The following DERA variants were observed in gnomAD, a reference collection of about 807,000 sequenced individuals.
DERA encodes the protein 2-deoxy-D-ribose 5-phosphate aldolase.
In DERA, 15 loss-of-function variants were observed where a neutral mutation model predicts 41.1. The ratio of observed to expected loss-of-function variants is 0.37; its 90% CI spans 0.24 to 0.56. DERA has a LOEUF of 0.56. DERA is among the 20% of genes least tolerant of loss of function. The probability of loss-of-function intolerance (pLI) is 0.81; values close to 1 mark genes in which losing one functional copy is unlikely to be tolerated. For synonymous variants in DERA, 139 were observed against 137.4 expected, an observed-to-expected ratio of 1.01 and a Z score of -0.08; for missense variants, 396 against 403.4, an observed-to-expected ratio of 0.98 and a Z score of 0.16.
chr12:15,965,609 A>G lies in DERA; in HGVS notation c.508+2662A>G, dbSNP rs932218167. ...CACAGTTTAGGGTATGAATTCGAGG[A>G]GACTGGAGTTTGGGGGTGGGGGAGG... On this transcript the variant is annotated intron_variant, in intron 5 of 8. Coordinates refer to ENST00000428559, the MANE Select transcript of DERA (RefSeq NM_015954.4). The surrounding 1 kb of genome is among the most constrained non-coding windows in gnomAD (Gnocchi z 4.1). Among the ~76,000 whole-genome samples, 99 of 152,158 alleles carry G rather than the reference A, an allele frequency of 6.5e-4. No individual in the cohort carries two copies. Among genetic ancestry groups the G allele is most frequent in the African/African-American group, 2.3e-3 (96 of 41,502 alleles).
At position 16,003,614 on chromosome 12, in the gene DERA, C is replaced by T. The variant is rs1426976880; in HGVS notation, c.637+21178C>T. Among the ~76,000 whole-genome samples, 1 of 152,046 alleles carries T rather than the reference C, an allele frequency of 6.6e-6. No individual in the cohort carries two copies. Among genetic ancestry groups the T allele is most frequent in the African/African-American group, 2.4e-5 (1 of 41,384 alleles). On this transcript the variant is annotated intron_variant, in intron 6 of 8. Transcript: ENST00000428559. This position sits in a 1 kb window ranked among gnomAD's most constrained non-coding sequence, Gnocchi z 4.8. ...GCCAACTAAAAACAACTGCTGGGGG[C>T]AGTGGAGAGGGAAGTAGACTGCAGG...
chr12:16,000,010 A>G lies in DERA; in HGVS notation c.637+17574A>G, dbSNP rs956159920. Among the ~76,000 whole-genome samples the G allele has an allele frequency of 6.6e-5, 10 of 152,288 alleles. No homozygotes were observed. The South Asian group carries it at 1.5e-3, about 22-fold the overall frequency. ...TCACGAGCTCCTGAACTGAGATGCA[A>G]TGCAGGCAATGCAGTGGGTATGGAG... On this transcript the variant is annotated intron_variant, in intron 6 of 8. Coordinates refer to ENST00000428559, the MANE Select transcript of DERA (RefSeq NM_015954.4). The surrounding 1 kb of genome is among the most constrained non-coding windows in gnomAD (Gnocchi z 4.8).
chr12:15,975,530 C>G (rs1948691339), intron 5 of DERA, among the ~76,000 whole-genome samples: 1 of 152,188 alleles, frequency 6.6e-6, no homozygotes, highest in African/African-American at 2.4e-5. Flanking sequence ...TCTACAAAGG[C>G]AGTCTAGTCC....
intron 6 of DERA, among the ~76,000 whole-genome samples, chr12:16,002,973 ACTCCTTATG>A (rs1174627674): frequency 6.6e-6 from 1 of 151,950 alleles, no homozygotes; most frequent in Non-Finnish European, 1.5e-5. Flanking sequence ...TTTGAGACCC[ACTCCTTATG>A]CTCCTAACCC....
In DERA at chr12:15,983,209, T is replaced by G. The variant is rs1190226312; in HGVS notation, c.637+773T>G. Reference sequence around the variant, plus strand: ...CCACAATTTTTTTTTAATGCTAATTTTATTATGGTACTGCTTGCTTAAAAT... The same window carrying G: ...CCACAATTTTTTTTTAATGCTAATTGTATTATGGTACTGCTTGCTTAAAAT... On this transcript the variant is annotated intron_variant, in intron 6 of 8. Coordinates refer to ENST00000428559, the MANE Select transcript of DERA (RefSeq NM_015954.4). The surrounding 1 kb of genome is among the most constrained non-coding windows in gnomAD (Gnocchi z 6.2). 6.6e-6 allele frequency among the ~76,000 whole-genome samples: 1 copy of G among 152,178 alleles called. No individual in the cohort carries two copies. Among genetic ancestry groups the G allele is most frequent in the African/African-American group, 2.4e-5 (1 of 41,448 alleles).
chr12:15,951,823 G>C lies in DERA; in HGVS notation c.32-5113G>C, dbSNP rs145157692. Among the ~76,000 whole-genome samples the C allele has an allele frequency of 7.0e-3, 1,063 of 152,048 alleles. 4 individuals are homozygous for C. Among genetic ancestry groups the C allele is most frequent in the Non-Finnish European group, 0.011 (771 of 67,982 alleles). On this transcript the variant is annotated intron_variant, in intron 1 of 8. Coordinates refer to ENST00000428559, the MANE Select transcript of DERA (RefSeq NM_015954.4). ...GTTTTATTTTAAAAAGCACACTGCT[G>C]TGCATATTTCTTATTTTTACTGAGT...
Position 15,967,969 on chromosome 12 carries a change from G to A in DERA, c.508+5022G>A, listed in dbSNP as rs1432397464. 6.6e-6 allele frequency among the ~76,000 whole-genome samples: 1 copy of A among 152,158 alleles called. No individual in the cohort carries two copies. The highest frequency in any genetic ancestry group is 1.5e-5 in the Non-Finnish European group (1 of 68,032). ...GTGATAAAAGAATTGAGGTGTGTAT[G>A]TGAGGGAGGAATAGGCTTCTAAATG... On this transcript the variant is annotated intron_variant, in intron 5 of 8. Transcript: ENST00000428559. This position sits in a 1 kb window ranked among gnomAD's most constrained non-coding sequence, Gnocchi z 4.9.
Position 15,982,414 on chromosome 12 carries a change from C to T in DERA, c.615C>T (p.Ala205=), listed in dbSNP as rs1287713669. 1.9e-6 allele frequency: 3 copies of T among 1,610,952 alleles called. No homozygotes were observed. The highest frequency in any genetic ancestry group is 2.5e-6 in the Non-Finnish European group (3 of 1,179,284). ...GAACTCTTACTAATGTCTATAAAGC[C>T]AGTATGATAGCAATGATGGCAGGTA... The part of the protein sequence containing the change: ...ELGTLTNVYK[A]SMIAMMAGSD... The change falls in exon 6 of 9, where the codon GCC becomes GCT. Residue 205 remains alanine (A), a synonymous_variant. Coordinates refer to ENST00000428559, the MANE Select transcript of DERA (RefSeq NM_015954.4). This position sits in a 1 kb window ranked among gnomAD's most constrained non-coding sequence, Gnocchi z 4.0.
rs1178215500 is a variant in DERA, at chr12:16,014,456, T to C, written c.638-18086T>C. The stretch of plus-strand genomic sequence containing the variant: ...GGCCATTGCTTCAGAGAGTGTAAGC[T>C]CCAAGCCTTGGTGGCTTCCACATGG... On this transcript the variant is annotated intron_variant, in intron 6 of 8. Transcript: ENST00000428559. This position sits in a 1 kb window ranked among gnomAD's most constrained non-coding sequence, Gnocchi z 5.4. 6.6e-6 allele frequency among the ~76,000 whole-genome samples: 1 copy of C among 152,160 alleles called. No individual in the cohort carries two copies. The highest frequency in any genetic ancestry group is 2.1e-4 in the South Asian group (1 of 4,830).
rs1326320656 is a variant in DERA at position 15,999,708 on chromosome 12, C to T, written c.637+17272C>T. ...AGGCCATGCTAAGGAATTGAAGTTTCGTGTTTGGGGGTACAGGAAATTTTT... is the reference window on the plus strand; with the variant it reads ...AGGCCATGCTAAGGAATTGAAGTTTTGTGTTTGGGGGTACAGGAAATTTTT... On this transcript the variant is annotated intron_variant, in intron 6 of 8. Coordinates refer to ENST00000428559, the MANE Select transcript of DERA (RefSeq NM_015954.4). The surrounding 1 kb of genome is among the most constrained non-coding windows in gnomAD (Gnocchi z 5.3). Among the ~76,000 whole-genome samples, 1 of 152,048 alleles carries T rather than the reference C, an allele frequency of 6.6e-6. No homozygotes were observed. The highest frequency in any genetic ancestry group is 1.5e-5 in the Non-Finnish European group (1 of 68,004).
intron 6 of DERA, among the ~76,000 whole-genome samples, chr12:16,028,493 C>T (rs558884236): frequency 5.3e-5 from 8 of 152,244 alleles, no homozygotes; most frequent in Middle Eastern, 3.4e-3. Flanking sequence ...AGCCCCTGCT[C>T]GAGGAGGTGG....
chr12:15,960,765 T>A (rs1219466938), intron 4 of DERA, among the ~76,000 whole-genome samples: 1 of 151,514 alleles, frequency 6.6e-6, no homozygotes, highest in Non-Finnish European at 1.5e-5. Context: ...GTCGTGGAGA[T>A]AATTGCATTG....
chr12:15,952,684 T>C (rs1370227717), intron 1 of DERA, among the ~76,000 whole-genome samples: 1 of 152,262 alleles, frequency 6.6e-6, no homozygotes, highest in South Asian at 2.1e-4. Flanking sequence ...CTTTGAAATC[T>C]ATGTATTTTA....
In DERA at chr12:15,911,477, C is replaced by T. The variant is rs1477941164; in HGVS notation, c.31+63C>T. The T allele has an allele frequency of 2.0e-5, 27 of 1,384,316 alleles. No homozygotes were observed. The highest frequency in any genetic ancestry group is 3.0e-5 in the South Asian group (2 of 65,728). The allele number at this position is 1,384,316 out of a possible 1,614,324, so 85.8% of individuals were successfully genotyped here. A position where few individuals can be genotyped will look rare whatever the true frequency, so the allele number is the denominator to read the frequency against. ...GCGTTCAGCGCCGCCGGGACTAGCGCGGGGCCTGCTGCCGCCCAGTGCCCT... is the reference window on the plus strand; with the variant it reads ...GCGTTCAGCGCCGCCGGGACTAGCGTGGGGCCTGCTGCCGCCCAGTGCCCT... On this transcript the variant is annotated intron_variant, in intron 1 of 8. Transcript: ENST00000428559. This position sits in a 1 kb window ranked among gnomAD's most constrained non-coding sequence, Gnocchi z 4.5.
intron 6 of DERA, among the ~76,000 whole-genome samples, chr12:15,991,167 G>C (rs973326902): frequency 2.0e-5 from 3 of 152,100 alleles, no homozygotes; most frequent in Non-Finnish European, 4.4e-5. Flanking sequence ...GTGTGAGATG[G>C]TATCTCATTG....
chr12:16,033,237 C>T (rs1188936039), intron 7 of DERA, among the ~76,000 whole-genome samples: 1 of 152,150 alleles, frequency 6.6e-6, no homozygotes, highest in Non-Finnish European at 1.5e-5. Flanking sequence ...AGAGAAAATT[C>T]TCGAGGAGAT....
rs1948825175 is a variant in DERA at position 15,994,626 on chromosome 12, T to C, written c.637+12190T>C. Reference sequence around the variant, plus strand: ...CTGCAACCACGCCTGGCTAATTTTTTGTATTTTTAGTAGAGACGGGGTTTC... The same window carrying C: ...CTGCAACCACGCCTGGCTAATTTTTCGTATTTTTAGTAGAGACGGGGTTTC... On this transcript the variant is annotated intron_variant, in intron 6 of 8. Coordinates refer to ENST00000428559, the MANE Select transcript of DERA (RefSeq NM_015954.4). The surrounding 1 kb of genome is among the most constrained non-coding windows in gnomAD (Gnocchi z 4.8). Among the ~76,000 whole-genome samples, 1 of 152,284 alleles carries C rather than the reference T, an allele frequency of 6.6e-6. No homozygotes were observed. Among genetic ancestry groups the C allele is most frequent in the East Asian group, 1.9e-4 (1 of 5,158 alleles).
In DERA at chr12:15,966,876, G is replaced by A. The variant is rs1317111169; in HGVS notation, c.508+3929G>A. On this transcript the variant is annotated intron_variant, in intron 5 of 8. Transcript: ENST00000428559. This position sits in a 1 kb window ranked among gnomAD's most constrained non-coding sequence, Gnocchi z 5.1. ...TGCTGATTTCAGTTACATTCCTTAT[G>A]GCAAAGACAACCAAACCTCCTGAGC... is the stretch of plus-strand genomic sequence containing the variant. Among the ~76,000 whole-genome samples the A allele has an allele frequency of 6.6e-6, 1 of 151,974 alleles. No homozygotes were observed. Among genetic ancestry groups the A allele is most frequent in the Non-Finnish European group, 1.5e-5 (1 of 68,004 alleles).
intron 6 of DERA, among the ~76,000 whole-genome samples, chr12:16,018,579 C>G (rs1948999462): frequency 6.6e-6 from 1 of 152,090 alleles, no homozygotes; most frequent in Admixed American, 6.5e-5. Flanking sequence ...ATTTCATCTT[C>G]TATTTTTATC....
Sources: allele counts gnomAD v4.1 joint callset (sites outside exome capture counted in the v4.1 genomes callset), GRCh38; gene constraint gnomAD v4.1.1; non-coding constraint Gnocchi (gnomAD v3.1); transcripts MANE v1.5; gene names NCBI Gene and HGNC (gene_info 2026-07-23, HGNC 2026-07-21).